Variants in CEP72 observed in about 807,000 individuals in gnomAD.
CEP72 encodes centrosomal protein of 72 kDa.
In CEP72, 78 loss-of-function variants were observed where a neutral mutation model predicts 65.7. That is an observed-to-expected ratio of 1.19 (90% CI 0.99 to 1.43). The LOEUF (loss-of-function observed/expected upper bound fraction) is 1.43, where lower values mean the gene tolerates loss of function less well. CEP72 is among the 40% of genes most tolerant of loss of function. The probability of loss-of-function intolerance (pLI) is 0.00; values close to 1 mark genes in which losing one functional copy is unlikely to be tolerated. For synonymous variants in CEP72, 358 were observed against 351.7 expected (o/e 1.02, Z -0.20); for missense variants, 914 against 832.9 (o/e 1.10, Z -1.20).
intron 4 of CEP72, among the ~76,000 whole-genome samples, chr5:628,134 G>T (rs1736873878): frequency 6.6e-6 from 1 of 152,198 alleles, no homozygotes; most frequent in Admixed American, 6.5e-5. Context: ...TGATTGACAC[G>T]CCCGCCGGGT....
downstream of CEP72, among the ~76,000 whole-genome samples, chr5:654,283 T>C (rs1739301812): frequency 8.0e-6 from 1 of 124,562 alleles, no homozygotes; most frequent in African/African-American, 4.5e-5. Context: ...GCGCTTGCTG[T>C]GTGTGTGTGC....
At chr5:658,857 A>G (rs923886823), downstream of CEP72, among the ~76,000 whole-genome samples, 1 of 151,692 alleles carries the variant, frequency 6.6e-6, no homozygotes, top group East Asian at 1.9e-4. Flanking sequence ...TTTAGCAGAG[A>G]CAGGGTTTCA....
At chr5:637,900 T>G in intron 7 of CEP72, 82 bp downstream of exon 7, 1 of 1,313,564 alleles carries the variant, frequency 7.6e-7, no homozygotes, top group Non-Finnish European at 1.0e-6. Flanking sequence ...GGGGCCGTGA[T>G]TACGCCTGCG....
chr5:664,982 G>A (rs1422752807), intron 2 of CEP72: 1 of 1,263,684 alleles, frequency 7.9e-7, no homozygotes, highest in South Asian at 1.4e-5. Flanking sequence ...CCGCCCCCCA[G>A]CCCCCTCTGG....
At chr5:672,795 C>T in the CEP72 span, among the ~76,000 whole-genome samples, 13 of 152,266 alleles carry the variant, frequency 8.5e-5, no homozygotes, top group South Asian at 2.1e-4. Context: ...TGCCACCGCA[C>T]GCTCTTTGCA....
intron 11 of CEP72, among the ~76,000 whole-genome samples, chr5:649,462 T>G (rs1252650979): frequency 7.0e-5 from 2 of 28,510 alleles, no homozygotes; most frequent in Admixed American, 8.6e-4. Context: ...GACTGTGAGG[T>G]GTGACTGTGA....
Position 665,124 on chromosome 5 carries a change from T to C in CEP72, n.288-56T>C, listed in dbSNP as rs770425518. ...GGGCTACTTGCCCCCTTGCACCTTC[T>C]GGTCGTAGGTGCCTGCGTGCTTGTA... is the stretch of plus-strand genomic sequence containing the variant. On this transcript the variant is annotated intron_variant and non_coding_transcript_variant, in intron 2 of 4. Transcript: ENST00000514507. 13 of 1,611,974 alleles carry C rather than the reference T, an allele frequency of 8.1e-6. No individual in the cohort carries two copies. In the East Asian group the frequency reaches 2.9e-4, roughly 36 times the overall value.
In CEP72 at chr5:653,145, G is replaced by C; in HGVS notation, c.1936G>C (p.Ala646Pro). ...HSSASHGGCQ[A>P]C ...CAGCGCCAGCCATGGAGGCTGCCAG[G>C]CCTGCTGACTCCTGCCGAGAAGCTG... The change falls in exon 12 of 12, where the codon GCC becomes CCC. Residue 646 changes from alanine to proline, a missense_variant. By Grantham distance (27) the Ala-to-Pro change is conservative. Transcript: ENST00000264935. 3 of 1,604,956 alleles carry C rather than the reference G, an allele frequency of 1.9e-6. No homozygotes were observed. The highest frequency in any genetic ancestry group is 2.5e-6 in the Non-Finnish European group (3 of 1,176,838).
chr5:626,315 G>C (rs961447260), intron 4 of CEP72, among the ~76,000 whole-genome samples: 17 of 152,296 alleles, frequency 1.1e-4, no homozygotes, highest in South Asian at 4.2e-4. Context: ...CTCCTGTCTT[G>C]GTGGGAGAGC....
At chr5:612,556 G>T in intron 1 of CEP72, 113 bp downstream of exon 1, 1 of 1,246,676 alleles carries the variant, frequency 8.0e-7, no homozygotes, top group Non-Finnish European at 1.0e-6. Flanking sequence ...CGCAGGCGCC[G>T]CGGGCGTCCG....
rs141983830 is a variant in CEP72, at chr5:646,025, G to A, written c.1666+1600G>A. On this transcript the variant is annotated intron_variant, in intron 10 of 11. Coordinates refer to ENST00000264935, the MANE Select transcript of CEP72 (RefSeq NM_018140.4). ...TGGGAGCGTCACTCTTGCTCCCATCGGCGGCCTGTGTGGACAGTGAATTCG... is the reference window on the plus strand; with the variant it reads ...TGGGAGCGTCACTCTTGCTCCCATCAGCGGCCTGTGTGGACAGTGAATTCG... Among the ~76,000 whole-genome samples the A allele has an allele frequency of 3.3e-3, 504 of 151,412 alleles. 4 individuals are homozygous for A. Among genetic ancestry groups the A allele is most frequent in the East Asian group, 0.021 (106 of 5,116 alleles).
rs1419583044 is a variant in CEP72, at chr5:624,514, G to T, written c.447G>T (p.Leu149=). 6.2e-7 allele frequency: 1 copy of T among 1,614,196 alleles called. No homozygotes were observed. The highest frequency in any genetic ancestry group is 1.7e-5 in the Admixed American group (1 of 60,032). The stretch of plus-strand genomic sequence containing the variant: ...CAAGCGAGCGGAAGGCTTCCCGACT[G>T]CATTTTGCATCAGAGGACTCACTCG... ...VRASERKASR[L]HFASEDSLDS... The change falls in exon 4 of 12, where the codon CTG becomes CTT. Residue 149 remains leucine (L), a synonymous_variant. Coordinates refer to ENST00000264935, the MANE Select transcript of CEP72 (RefSeq NM_018140.4). This position sits in a 1 kb window ranked among gnomAD's most constrained non-coding sequence, Gnocchi z 4.7.
At chr5:616,836 G>GCA (rs1420386117) in intron 1 of CEP72, among the ~76,000 whole-genome samples, 240 of 151,136 alleles carry the variant, frequency 1.6e-3, no homozygotes, top group Middle Eastern at 6.8e-3. Flanking sequence ...GTGTGTGCGC[G>GCA]CGAGTGGGGG....
the CEP72 span, among the ~76,000 whole-genome samples, chr5:674,762 G>T: frequency 6.6e-6 from 1 of 151,906 alleles, no homozygotes; most frequent in East Asian, 2.0e-4. Flanking sequence ...TGTCCTCCAG[G>T]CAGAGGCTGC....
intron 4 of CEP72, among the ~76,000 whole-genome samples, chr5:629,306 C>T (rs933868934): frequency 2.0e-5 from 3 of 152,258 alleles, no homozygotes; most frequent in African/African-American, 7.2e-5. Flanking sequence ...TTCTTGATCA[C>T]GTGTATCTCC....
At position 645,752 on chromosome 5, in the gene CEP72, CTTGTCTTTG is replaced by C. The variant is rs1738373770; in HGVS notation, c.1666+1330_1666+1338del. Among the ~76,000 whole-genome samples, 3 of 152,374 alleles carry C rather than the reference CTTGTCTTTG, an allele frequency of 2.0e-5. No homozygotes were observed. Among genetic ancestry groups the C allele is most frequent in the African/African-American group, 7.2e-5 (3 of 41,584 alleles). On this transcript the variant is annotated intron_variant, in intron 10 of 11. Coordinates refer to ENST00000264935, the MANE Select transcript of CEP72 (RefSeq NM_018140.4). The surrounding 1 kb of genome is among the most constrained non-coding windows in gnomAD (Gnocchi z 4.0). Reference sequence around the variant, plus strand: ...AACAACAGAGTAAATAATAGTCTAACTTGTCTTTGTTACTCGGTCTTAAATGTATGCATA... The same window carrying C: ...AACAACAGAGTAAATAATAGTCTAACTTACTCGGTCTTAAATGTATGCATA...
At chr5:653,945 C>T (rs1244775600), downstream of CEP72, among the ~76,000 whole-genome samples, 1 of 152,032 alleles carries the variant, frequency 6.6e-6, no homozygotes, top group Non-Finnish European at 1.5e-5. Context: ...AGAAAATGCT[C>T]TGTGCTAGCT....
chr5:644,268 G>A (rs372885750), intron 9 of CEP72, 31 bp from the exon 10 acceptor site: 2 of 1,607,516 alleles, frequency 1.2e-6, no homozygotes, highest in East Asian at 2.2e-5. Flanking sequence ...AATTTGACTT[G>A]TGCACTTAAG....
At chr5:643,942 G>C (rs555330078) in intron 9 of CEP72, among the ~76,000 whole-genome samples, 5 of 152,224 alleles carry the variant, frequency 3.3e-5, no homozygotes, top group Non-Finnish European at 5.9e-5. Flanking sequence ...CCGTGAGGGC[G>C]TCCTGGAAGA....
Sources: gnomAD v4.1 joint callset for allele counts (sites outside exome capture counted in the v4.1 genomes callset) on GRCh38, gnomAD v4.1.1 for gene constraint, Gnocchi (gnomAD v3.1) non-coding constraint, MANE v1.5 for transcripts, NCBI Gene and HGNC (gene_info 2026-07-23, HGNC 2026-07-21) for gene names.